Variants in NFIA observed in about 807,000 individuals in gnomAD.
NFIA encodes the protein nuclear factor 1 A-type.
NFIA carries 8 observed loss-of-function variants against 62.8 expected under a neutral mutation model. The observed-to-expected ratio is 0.13, with a 90% confidence interval of 0.07 to 0.23. NFIA has a LOEUF of 0.23. Among genes scored for constraint, NFIA ranks in the 10% least tolerant of loss-of-function variants. NFIA has a pLI of 1.00. For synonymous variants in NFIA, 235 were observed against 238.1 expected (o/e 0.99, Z 0.12); for missense variants, 410 against 642.1 (o/e 0.64, Z 3.91).
intron 7 of NFIA, among the ~76,000 whole-genome samples, chr1:61,388,851 A>C (rs1417623958): frequency 6.6e-6 from 1 of 152,204 alleles, no homozygotes; most frequent in Non-Finnish European, 1.5e-5. Context: ...ATGGTGACTC[A>C]CACTTGTAAT....
chr1:61,290,112 TTATGAG>T (rs1297801337), intron 3 of NFIA, among the ~76,000 whole-genome samples: 18 of 151,874 alleles, frequency 1.2e-4, no homozygotes, highest in Non-Finnish European at 2.6e-4. Flanking sequence ...GTCTCAAGTA[TTATGAG>T]TATATGGTAC....
intron 9 of NFIA, among the ~76,000 whole-genome samples, chr1:61,418,714 C>T (rs188946535): frequency 2.4e-4 from 36 of 152,222 alleles, no homozygotes; most frequent in Non-Finnish European, 3.5e-4. Context: ...CAATTTGTTG[C>T]TCTTATAAGT....
intron 2 of NFIA, among the ~76,000 whole-genome samples, chr1:61,153,313 G>A (rs1648557441): frequency 6.6e-6 from 1 of 152,190 alleles, no homozygotes; most frequent in Admixed American, 6.5e-5. Context: ...AAGCATTTAT[G>A]ATTCCTTGTA....
intron 2 of NFIA, among the ~76,000 whole-genome samples, chr1:61,176,846 T>A (rs1281128689): frequency 6.6e-6 from 1 of 152,182 alleles, no homozygotes; most frequent in African/African-American, 2.4e-5. Context: ...GGCTCATACC[T>A]GTAATCCCAG....
At chr1:61,251,991 T>C (rs898267967) in intron 2 of NFIA, among the ~76,000 whole-genome samples, 1 of 152,156 alleles carries the variant, frequency 6.6e-6, no homozygotes, top group African/African-American at 2.4e-5. Flanking sequence ...ATGAGGAGTT[T>C]CTTATAATTA....
At chr1:61,220,145 A>G (rs1317267071) in intron 2 of NFIA, among the ~76,000 whole-genome samples, 1 of 152,188 alleles carries the variant, frequency 6.6e-6, no homozygotes, top group East Asian at 1.9e-4. Context: ...GTCTTAAGGA[A>G]CAAGGACTAG....
At chr1:61,360,611 A>C (rs961403056) in intron 6 of NFIA, among the ~76,000 whole-genome samples, 4 of 152,144 alleles carry the variant, frequency 2.6e-5, no homozygotes, top group Non-Finnish European at 5.9e-5. Context: ...TTCATCTATA[A>C]ATCCTAGCTC....
rs186099324 is a variant in NFIA, at chr1:61,342,856, C to G, written c.701-9594C>G. 2.7e-3 allele frequency among the ~76,000 whole-genome samples: 407 copies of G among 152,318 alleles called. 10 individuals are homozygous for G. Among genetic ancestry groups the G allele is most frequent in the Non-Finnish European group, 2.9e-4 (20 of 68,030 alleles). Reference sequence around the variant, plus strand: ...ATTCAAGCCCTTCTTCTGTCACTTACTTAGTTGCATGATCTTGACCATGTT... The same window carrying G: ...ATTCAAGCCCTTCTTCTGTCACTTAGTTAGTTGCATGATCTTGACCATGTT... On this transcript the variant is annotated intron_variant, in intron 4 of 10. Coordinates refer to ENST00000403491, the MANE Select transcript of NFIA (RefSeq NM_001134673.4).
Position 61,462,024 on chromosome 1 carries a change from G to GTTTTTTTTTTTTTTT in NFIA, c.*6708_*6722dup. 1 of 73,206 alleles carries GTTTTTTTTTTTTTTT rather than the reference G, an allele frequency of 1.4e-5. No homozygotes were observed. The highest frequency in any genetic ancestry group is 1.4e-4 in the Admixed American group (1 of 7,144). 4.5% of individuals were successfully genotyped at this position (73,206 alleles called of 1,614,324 possible). ...ATAGTCTGTAAGTTAGCCTTTTTGG[G>GTTTTTTTTTTTTTTT]TTTTTTTTTTTTTTTTTTGGCTTTT... On this transcript the variant is annotated 3_prime_UTR_variant, in exon 11 of 11. Coordinates refer to ENST00000403491, the MANE Select transcript of NFIA (RefSeq NM_001134673.4).
At chr1:61,391,550 T>C (rs1355068836) in intron 7 of NFIA, among the ~76,000 whole-genome samples, 1 of 151,978 alleles carries the variant, frequency 6.6e-6, no homozygotes, top group Non-Finnish European at 1.5e-5. Context: ...CCCAGCCTAA[T>C]ATATGTTTGG....
chr1:61,244,461 A>G (rs1379375457), intron 2 of NFIA, among the ~76,000 whole-genome samples: 1 of 152,184 alleles, frequency 6.6e-6, no homozygotes, highest in Non-Finnish European at 1.5e-5. Flanking sequence ...TGGGTCTGCC[A>G]GGATAGGTGA....
chr1:61,438,497 C>T (rs1274273658), intron 10 of NFIA, among the ~76,000 whole-genome samples: 3 of 152,298 alleles, frequency 2.0e-5, no homozygotes, highest in African/African-American at 7.2e-5. Context: ...AGCTAAATCT[C>T]TTCTCACCGC....
intron 3 of NFIA, among the ~76,000 whole-genome samples, chr1:61,314,857 A>G (rs1238437755): frequency 1.3e-5 from 2 of 152,134 alleles, no homozygotes. Context: ...AGCCTTCCCC[A>G]CTAGCTGTTC....
chr1:61,309,100 G>A (rs1019998728), intron 3 of NFIA, among the ~76,000 whole-genome samples: 5 of 152,112 alleles, frequency 3.3e-5, no homozygotes, highest in African/African-American at 1.2e-4. Flanking sequence ...GTTTTCCCCA[G>A]CTTCCTCCTT....
At chr1:61,294,602 T>C (rs1160424411) in intron 3 of NFIA, among the ~76,000 whole-genome samples, 1 of 152,276 alleles carries the variant, frequency 6.6e-6, no homozygotes, top group Non-Finnish European at 1.5e-5. Context: ...TTCTGAATAA[T>C]GCCTTTAAAG....
At chr1:61,128,609 A>G (rs1049285055) in intron 2 of NFIA, among the ~76,000 whole-genome samples, 1 of 152,088 alleles carries the variant, frequency 6.6e-6, no homozygotes, top group African/African-American at 2.4e-5. Context: ...AAAAAAGATG[A>G]CCTTTATTAT....
At chr1:61,319,446 A>C (rs1275982547) in intron 3 of NFIA, among the ~76,000 whole-genome samples, 1 of 152,148 alleles carries the variant, frequency 6.6e-6, no homozygotes, top group East Asian at 1.9e-4. Flanking sequence ...CATATGTCAT[A>C]CATTGTACAA....
intron 2 of NFIA, among the ~76,000 whole-genome samples, chr1:61,112,748 A>G (rs1227678598): frequency 1.3e-5 from 2 of 152,204 alleles, no homozygotes; most frequent in Admixed American, 6.5e-5. Flanking sequence ...TTTGCATACA[A>G]TGGATTAATG....
chr1:61,082,079 A>C, upstream of NFIA: 3 of 1,450,370 alleles, frequency 2.1e-6, no homozygotes, highest in Non-Finnish European at 2.8e-6. Flanking sequence ...GGGTGGGGGG[A>C]TGGGGACGAG....
Sources: allele counts gnomAD v4.1 joint callset (sites outside exome capture counted in the v4.1 genomes callset), GRCh38; gene constraint gnomAD v4.1.1; transcripts MANE v1.5; gene names NCBI Gene and HGNC (gene_info 2026-07-23, HGNC 2026-07-21).